Variants in IL31RA observed in about 807,000 individuals in gnomAD.
IL31RA encodes interleukin 31 receptor A.
IL31RA carries 66 observed loss-of-function variants against 83.7 expected under a neutral mutation model. The ratio of observed to expected loss-of-function variants is 0.79; its 90% CI spans 0.65 to 0.97. The LOEUF is 0.97. Among genes scored for constraint, IL31RA ranks in the 50% least tolerant of loss-of-function variants. IL31RA has a pLI of 0.00. For missense variants in IL31RA, 798 were observed against 919.4 expected (o/e 0.87, Z 1.71); for synonymous variants, 325 against 329.0 (o/e 0.99, Z 0.13).
chr5:55,880,190 G>T (rs1362839952), intron 4 of IL31RA, among the ~76,000 whole-genome samples: 1 of 152,136 alleles, frequency 6.6e-6, no homozygotes, highest in Admixed American at 6.5e-5. Context: ...TATGTCTATT[G>T]TATACAGCTC....
intron 3 of IL31RA, among the ~76,000 whole-genome samples, chr5:55,869,498 G>C (rs1746381761): frequency 6.6e-6 from 1 of 152,018 alleles, no homozygotes; most frequent in African/African-American, 2.4e-5. Flanking sequence ...TTTTGAGACA[G>C]AATCTCACTC....
Position 55,896,985 on chromosome 5 carries a change from T to TAAAA in IL31RA, c.852+569_852+572dup, listed in dbSNP as rs1317185291. Reference sequence around the variant, plus strand: ...AAGTGTGCCAGTACACCCAGCTAATTAAAAAAAAAAAAAAAATATATATAT... The same window carrying TAAAA: ...AAGTGTGCCAGTACACCCAGCTAATTAAAAAAAAAAAAAAAAAAAATATATATAT... On this transcript the variant is annotated intron_variant, in intron 7 of 14. Coordinates refer to ENST00000652347, the MANE Select transcript of IL31RA (RefSeq NM_139017.7). 7.0e-3 allele frequency among the ~76,000 whole-genome samples: 8 copies of TAAAA among 1,136 alleles called. 1 individual carries two copies. Among genetic ancestry groups the TAAAA allele is most frequent in the Non-Finnish European group, 0.011 (5 of 466 alleles). The allele number at this position is 1,136 out of a possible 152,430, so 0.7% of individuals were successfully genotyped here.
chr5:55,908,377 CA>C lies in IL31RA; in HGVS notation c.1468del (p.Ile490SerfsTer27), dbSNP rs1749285853. ...ERKGIICNYTIFYQAEGGKGF... is the reference protein window; with the variant it reads ...ERKGIICNYTXFYQAEGGKGF... ...GAAAGGGTATCATCTGCAACTACAC[CA>C]TCTTTTACCAAGCTGAAGGTGGAAA... On this transcript the variant is annotated frameshift_variant, in exon 11 of 15. Transcript: ENST00000652347. LOFTEE classifies it high-confidence loss of function. 4 of 1,614,120 alleles carry C rather than the reference CA, an allele frequency of 2.5e-6. No homozygotes were observed. In the Admixed American group the frequency reaches 6.7e-5, roughly 27 times the overall value.
chr5:55,912,624 C>T (rs1480443369), intron 12 of IL31RA, among the ~76,000 whole-genome samples: 2 of 152,150 alleles, frequency 1.3e-5, no homozygotes, highest in Admixed American at 6.5e-5. Context: ...TGGTGAAACC[C>T]AGTCTCTGCC....
At chr5:55,912,138 C>T (rs1201255619) in intron 12 of IL31RA, among the ~76,000 whole-genome samples, 1 of 152,180 alleles carries the variant, frequency 6.6e-6, no homozygotes, top group Non-Finnish European at 1.5e-5. Context: ...GTTTCCTACC[C>T]TGGTCTATAG....
intron 7 of IL31RA, among the ~76,000 whole-genome samples, chr5:55,899,189 C>T (rs1188432015): frequency 1.3e-5 from 2 of 152,148 alleles, no homozygotes; most frequent in Non-Finnish European, 2.9e-5. Flanking sequence ...TAAAGTCCCA[C>T]TTATAAGTCC....
rs140935773 is a variant in IL31RA, at chr5:55,913,481, C to G, written c.1647C>G (p.Val549=). The G allele has an allele frequency of 1.5e-5, 24 of 1,607,542 alleles. No individual in the cohort carries two copies. The African/African-American group carries it at 2.3e-4, about 15-fold the overall frequency. The change falls in exon 13 of 15, where the codon GTC becomes GTG. Residue 549 remains valine (V), a synonymous_variant. Coordinates refer to ENST00000652347, the MANE Select transcript of IL31RA (RefSeq NM_139017.7). ...TTTGTTCTTTGTTTTTCAAAGGTGTCTTTGAGATTATCCTCATAACTTCTC... is the reference window on the plus strand; with the variant it reads ...TTTGTTCTTTGTTTTTCAAAGGTGTGTTTGAGATTATCCTCATAACTTCTC... The part of the protein sequence containing the change: ...SINFKTLSFS[V]FEIILITSLI...
At chr5:55,888,894 C>T (rs1747805458) in intron 5 of IL31RA, among the ~76,000 whole-genome samples, 2 of 152,294 alleles carry the variant, frequency 1.3e-5, no homozygotes, top group South Asian at 2.1e-4. Context: ...AGACACATAT[C>T]CTCCTTCTGC....
chr5:55,843,338 C>T, the IL31RA span, among the ~76,000 whole-genome samples: 1 of 152,040 alleles, frequency 6.6e-6, no homozygotes, highest in Admixed American at 6.6e-5. Flanking sequence ...AAAGAAATGT[C>T]ATATTTTTCT....
chr5:55,886,268 C>CT (rs35481013), intron 5 of IL31RA, among the ~76,000 whole-genome samples: 895 of 71,484 alleles, frequency 0.013, 26 homozygotes, highest in African/African-American at 0.014. Flanking sequence ...TGCTTGCTTG[C>CT]TTTTTTTTTT....
At chr5:55,845,729 T>C in the IL31RA span, among the ~76,000 whole-genome samples, 3 of 152,182 alleles carry the variant, frequency 2.0e-5, no homozygotes, top group Admixed American at 1.3e-4. Flanking sequence ...CCCTGAGCCA[T>C]GTGGAATTTA....
intron 1 of IL31RA, 66 bp downstream of exon 1, chr5:55,851,699 C>T: frequency 7.4e-6 from 12 of 1,613,402 alleles, no homozygotes; most frequent in Non-Finnish European, 1.0e-5. Flanking sequence ...AATAAGGAAG[C>T]TGTGAGTAAT....
intron 11 of IL31RA, among the ~76,000 whole-genome samples, chr5:55,910,082 A>T (rs1466313771): frequency 1.3e-5 from 2 of 152,094 alleles, no homozygotes; most frequent in African/African-American, 2.4e-5. Flanking sequence ...TCTTTTCGTT[A>T]TTGAATTTAT....
chr5:55,922,190 C>A lies in IL31RA; in HGVS notation c.*5070C>A, dbSNP rs1477990000. Among the ~76,000 whole-genome samples, 2 of 151,912 alleles carry A rather than the reference C, an allele frequency of 1.3e-5. No individual in the cohort carries two copies. The highest frequency in any genetic ancestry group is 4.8e-5 in the African/African-American group (2 of 41,336). ...CAGCTCCAATCCATGCTGGAAGAGA[C>A]CCCAGGCCACAATAGCCCTTGACAC... On this transcript the variant is annotated 3_prime_UTR_variant, in exon 15 of 15. Transcript: ENST00000652347.
intron 4 of IL31RA, among the ~76,000 whole-genome samples, chr5:55,881,980 G>A (rs1248784867): frequency 6.6e-6 from 1 of 152,042 alleles, no homozygotes; most frequent in African/African-American, 2.4e-5. Context: ...CAAAGTGCTG[G>A]GATTACAGAT....
Position 55,910,519 on chromosome 5 carries a change from AT to A in IL31RA, c.1502-8del. 1.9e-6 allele frequency: 3 copies of A among 1,613,870 alleles called. No homozygotes were observed. Among genetic ancestry groups the A allele is most frequent in the Non-Finnish European group, 2.5e-6 (3 of 1,179,958 alleles). ...TTTGGCTGTGGTGTTTGACCTTTGT[AT>A]TTTTCCTTTAGCCAAGACAGTCAAT... On this transcript the variant is annotated splice_polypyrimidine_tract_variant and intron_variant, in intron 11 of 14. Transcript: ENST00000652347.
At chr5:55,855,246 G>C (rs1480920833) in intron 1 of IL31RA, among the ~76,000 whole-genome samples, 1 of 151,870 alleles carries the variant, frequency 6.6e-6, no homozygotes, top group Admixed American at 6.6e-5. Context: ...CTGGGCCCAA[G>C]CATTGTCCCA....
chr5:55,856,286 GTGT>G (rs1420691298), intron 1 of IL31RA, among the ~76,000 whole-genome samples: 1 of 152,192 alleles, frequency 6.6e-6, no homozygotes, highest in African/African-American at 2.4e-5. Context: ...CATATTTGTA[GTGT>G]TGTTGGAAGA....
In IL31RA at chr5:55,909,820, TC is replaced by T. The variant is rs1271649518; in HGVS notation, c.1502-711del. Among the ~76,000 whole-genome samples, 4 of 152,122 alleles carry T rather than the reference TC, an allele frequency of 2.6e-5. No individual in the cohort carries two copies. In the East Asian group the frequency reaches 7.7e-4, roughly 29 times the overall value. On this transcript the variant is annotated intron_variant, in intron 11 of 14. Transcript: ENST00000652347. The stretch of plus-strand genomic sequence containing the variant: ...CCCAGGTTCAAGCGATTCTCCTGCC[TC>T]AGCCTCCCAAGTAGCTGGGATTGCA...
Sources: allele counts gnomAD v4.1 joint callset (sites outside exome capture counted in the v4.1 genomes callset), GRCh38; gene constraint gnomAD v4.1.1; transcripts MANE v1.5; gene names NCBI Gene and HGNC (gene_info 2026-07-23, HGNC 2026-07-21).